The following HNRNPC variants were observed in gnomAD, a reference collection of about 807,000 sequenced individuals.
HNRNPC encodes heterogeneous nuclear ribonucleoprotein C.
Under a neutral mutation model 33.2 loss-of-function variants are expected in HNRNPC, and 3 were observed. The ratio of observed to expected loss-of-function variants is 0.09; its 90% CI spans 0.04 to 0.23. The LOEUF (loss-of-function observed/expected upper bound fraction) is 0.23, where lower values mean the gene tolerates loss of function less well. HNRNPC is among the 10% of genes least tolerant of loss of function. The pLI, the probability that HNRNPC is intolerant of heterozygous loss-of-function variation, is 1.00. For missense variants in HNRNPC, 143 were observed against 366.7 expected, an observed-to-expected ratio of 0.39 and a Z score of 4.98; for synonymous variants, 121 against 126.7, an observed-to-expected ratio of 0.96 and a Z score of 0.30.
chr14:21,235,358 G>A (rs1239251236), intron 2 of HNRNPC, among the ~76,000 whole-genome samples: 1 of 151,924 alleles, frequency 6.6e-6, no homozygotes, highest in African/African-American at 2.4e-5. Flanking sequence ...TAGTTCTCAC[G>A]GATGATGTAA....
rs1022904699 is a variant in HNRNPC, at chr14:21,210,517, TAATAAA to T, written c.*700_*705del. 2.0e-5 allele frequency: 3 copies of T among 152,004 alleles called. No individual in the cohort carries two copies. The highest frequency in any genetic ancestry group is 2.0e-4 in the Admixed American group (3 of 15,218). 9.4% of individuals were successfully genotyped at this position (152,004 alleles called of 1,614,324 possible). ...GTAAAACAAAGTTTGAAGTAAACAA[TAATAAA>T]ATACAAAAATAAAAAACCAGGGTTT... On this transcript the variant is annotated 3_prime_UTR_variant, in exon 9 of 9. Coordinates refer to ENST00000553300, the MANE Select transcript of HNRNPC (RefSeq NM_004500.4).
chr14:21,232,325 T>C (rs1211367829), intron 3 of HNRNPC, among the ~76,000 whole-genome samples: 1 of 152,192 alleles, frequency 6.6e-6, no homozygotes, highest in African/African-American at 2.4e-5. Flanking sequence ...CATTTTAATA[T>C]ACAAATGCCC....
chr14:21,258,045 T>C (rs763764924), intron 2 of HNRNPC, among the ~76,000 whole-genome samples: 3 of 152,180 alleles, frequency 2.0e-5, no homozygotes, highest in African/African-American at 2.4e-5. Context: ...AAAATTTTAA[T>C]AATAAAAGTC....
chr14:21,222,917 C>A (rs541888245), intron 5 of HNRNPC, among the ~76,000 whole-genome samples: 5 of 150,818 alleles, frequency 3.3e-5, no homozygotes, highest in Admixed American at 6.6e-5. Context: ...AACAAAAACA[C>A]CAGCTGGGCG....
chr14:21,248,892 A>G (rs1324162934), intron 2 of HNRNPC, among the ~76,000 whole-genome samples: 1 of 151,950 alleles, frequency 6.6e-6, no homozygotes, highest in Non-Finnish European at 1.5e-5. Context: ...GTGTGGACAC[A>G]TTAACAGTAA....
At position 21,212,000 on chromosome 14, in the gene HNRNPC, T is replaced by A. The variant is rs553623551; in HGVS notation, c.524-77A>T. 9.8e-5 allele frequency: 110 copies of A among 1,124,314 alleles called. 1 individual carries two copies. In the South Asian group the frequency reaches 1.3e-3, roughly 14 times the overall value. 69.6% of individuals were successfully genotyped at this position (1,124,314 alleles called of 1,614,324 possible). ...GTTAGCAAATACACTGCCACCAGAC[T>A]ACATCAGGAGCTCACAGGAGATACC... is the stretch of plus-strand genomic sequence containing the variant. On this transcript the variant is annotated intron_variant, in intron 6 of 8. Coordinates refer to ENST00000553300, the MANE Select transcript of HNRNPC (RefSeq NM_004500.4).
chr14:21,230,493 C>T, intron 4 of HNRNPC, 127 bp from the exon 5 acceptor site: 2 of 661,452 alleles, frequency 3.0e-6, no homozygotes, highest in East Asian at 2.8e-5. Flanking sequence ...CTGAATGATC[C>T]CCAATCATTC....
At chr14:21,258,062 TG>T (rs1351884247) in intron 2 of HNRNPC, among the ~76,000 whole-genome samples, 1 of 152,196 alleles carries the variant, frequency 6.6e-6, no homozygotes, top group African/African-American at 2.4e-5. Flanking sequence ...AGTCCAAAGT[TG>T]TTCTTTGGAA....
Position 21,211,064 on chromosome 14 carries a change from G to A in HNRNPC, c.*159C>T, listed in dbSNP as rs1042652307. The A allele has an allele frequency of 7.6e-6, 6 of 785,690 alleles. No individual in the cohort carries two copies. In the African/African-American group the frequency reaches 8.6e-5, roughly 11 times the overall value. 48.7% of individuals were successfully genotyped at this position (785,690 alleles called of 1,614,324 possible). A position where few individuals can be genotyped will look rare whatever the true frequency, so the allele number is the denominator to read the frequency against. On this transcript the variant is annotated 3_prime_UTR_variant, in exon 9 of 9. Coordinates refer to ENST00000553300, the MANE Select transcript of HNRNPC (RefSeq NM_004500.4). The stretch of plus-strand genomic sequence containing the variant: ...GGAAGTGAAAATGGGACTAGGCGCG[G>A]GGCAATATGAATTAATGAACATGGG...
chr14:21,230,074 ATT>A (rs376603914), intron 5 of HNRNPC, among the ~76,000 whole-genome samples: 1,736 of 152,262 alleles, frequency 0.011, 12 homozygotes, highest in Middle Eastern at 0.037. Flanking sequence ...CACTCAGCGA[ATT>A]TTTTTGTATT....
intron 2 of HNRNPC, among the ~76,000 whole-genome samples, chr14:21,246,150 T>C (rs1402137795): frequency 6.6e-6 from 1 of 152,140 alleles, no homozygotes; most frequent in East Asian, 1.9e-4. Flanking sequence ...TAAGGGGCCA[T>C]AATATATGTG....
intron 5 of HNRNPC, among the ~76,000 whole-genome samples, chr14:21,215,347 G>GTATGAC (rs1420975199): frequency 6.6e-6 from 1 of 152,158 alleles, no homozygotes; most frequent in African/African-American, 2.4e-5. Context: ...AAGAAGCTCA[G>GTATGAC]TATGACTACT....
At chr14:21,252,039 A>G (rs1896735642) in intron 2 of HNRNPC, among the ~76,000 whole-genome samples, 1 of 152,224 alleles carries the variant, frequency 6.6e-6, no homozygotes, top group Non-Finnish European at 1.5e-5. Flanking sequence ...AACAGCCAAA[A>G]CAGGAGATTA....
chr14:21,213,374 T>C (rs1178167962), intron 5 of HNRNPC: 3 of 424,174 alleles, frequency 7.1e-6, no homozygotes, highest in Non-Finnish European at 1.3e-5. Flanking sequence ...TCAAATTATA[T>C]GGTTGGCTGG....
At chr14:21,255,934 A>T (rs1252869865) in intron 2 of HNRNPC, among the ~76,000 whole-genome samples, 3 of 152,204 alleles carry the variant, frequency 2.0e-5, no homozygotes, top group Non-Finnish European at 2.9e-5. Flanking sequence ...TGAGGAACCA[A>T]ACTGTATGAG....
intron 2 of HNRNPC, among the ~76,000 whole-genome samples, chr14:21,243,903 C>T (rs1309579401): frequency 6.6e-6 from 1 of 151,904 alleles, no homozygotes; most frequent in Admixed American, 6.6e-5. Flanking sequence ...GTAAAATATA[C>T]ATATATATAT....
intron 5 of HNRNPC, among the ~76,000 whole-genome samples, chr14:21,221,624 A>G (rs1892832204): frequency 6.6e-6 from 1 of 152,254 alleles, no homozygotes; most frequent in African/African-American, 2.4e-5. Context: ...TATAAGAAAC[A>G]GTTAAAATTT....
chr14:21,237,482 G>A (rs909233715), intron 2 of HNRNPC, among the ~76,000 whole-genome samples: 1 of 152,156 alleles, frequency 6.6e-6, no homozygotes, highest in Non-Finnish European at 1.5e-5. Flanking sequence ...TGTAACTCTT[G>A]AAAGCAGCAG....
In HNRNPC at chr14:21,209,499, C is replaced by T. The variant is rs1176664720; in HGVS notation, c.*1724G>A. The T allele has an allele frequency of 6.6e-6, 1 of 152,208 alleles. No homozygotes were observed. Among genetic ancestry groups the T allele is most frequent in the Non-Finnish European group, 1.5e-5 (1 of 68,030 alleles). 9.4% of individuals were successfully genotyped at this position (152,208 alleles called of 1,614,324 possible). ...AAGTCTGTGTAACATGAGCTCACAT[C>T]AGATTAGAAAACATCAAGTGGGTAG... On this transcript the variant is annotated 3_prime_UTR_variant, in exon 9 of 9. Transcript: ENST00000553300.
Sources: allele counts gnomAD v4.1 joint callset (sites outside exome capture counted in the v4.1 genomes callset), GRCh38; gene constraint gnomAD v4.1.1; transcripts MANE v1.5; gene names NCBI Gene and HGNC (gene_info 2026-07-23, HGNC 2026-07-21).